The following LENG8 variants were observed in gnomAD, a reference collection of about 807,000 sequenced individuals.
LENG8 encodes leukocyte receptor cluster (LRC) member 8.
LENG8 carries 28 observed loss-of-function variants against 102.1 expected under a neutral mutation model. That is an observed-to-expected ratio of 0.27 (90% CI 0.20 to 0.38). The LOEUF is 0.38. Ranked by LOEUF, LENG8 falls within the 10% of genes least tolerant of loss-of-function variation. The pLI is 1.00. For synonymous variants in LENG8, 531 were observed against 456.7 expected, an observed-to-expected ratio of 1.16 and a Z score of -2.07; for missense variants, 1,022 against 1,113.9, an observed-to-expected ratio of 0.92 and a Z score of 1.17.
At chr19:54,455,678 T>C (rs1255653911) in intron 8 of LENG8, 111 bp downstream of exon 8, 21 of 1,092,010 alleles carry the variant, frequency 1.9e-5, no homozygotes, top group Non-Finnish European at 2.5e-5. Flanking sequence ...CAAAGAGAAA[T>C]GAACTGGAAA....
At position 54,461,837 on chromosome 19, in the gene LENG8, A is replaced by G; in HGVS notation, c.*909A>G. The G allele has an allele frequency of 1.7e-6, 1 of 592,280 alleles. No homozygotes were observed. The highest frequency in any genetic ancestry group is 3.8e-5 in the East Asian group (1 of 26,224). The allele number at this position is 592,280 out of a possible 1,614,324, so 36.7% of individuals were successfully genotyped here. A position where few individuals can be genotyped will look rare whatever the true frequency, so the allele number is the denominator to read the frequency against. On this transcript the variant is annotated 3_prime_UTR_variant, in exon 16 of 16. Coordinates refer to ENST00000326764, the MANE Select transcript of LENG8 (RefSeq NM_052925.4). ...CCTCCCTCTTCTGCCATGTAACTGG[A>G]GGATGTGCTATGAGTTTGCAAACAG...
intron 4 of LENG8, 150 bp downstream of exon 4, chr19:54,452,902 G>A (rs1883641863): frequency 1.6e-6 from 1 of 640,734 alleles, no homozygotes; most frequent in Non-Finnish European, 2.8e-6. Flanking sequence ...ACTTGCCCAG[G>A]AGGTAAATTC....
chr19:54,453,497 C>A, intron 4 of LENG8, 49 bp from the exon 5 acceptor site: 1 of 1,285,724 alleles, frequency 7.8e-7, no homozygotes, highest in Admixed American at 1.7e-5. Context: ...GCTGGGGAAG[C>A]GGAAAGGGTA....
intron 3 of LENG8, 128 bp from the exon 4 acceptor site, chr19:54,452,523 C>G: frequency 1.2e-6 from 1 of 800,120 alleles, no homozygotes; most frequent in South Asian, 1.5e-5. Context: ...GACAGTGGCT[C>G]ACTTTGCAGA....
At chr19:54,451,972 T>G (rs1894606173) in intron 2 of LENG8, 121 bp from the exon 3 acceptor site, 1 of 876,500 alleles carries the variant, frequency 1.1e-6, no homozygotes, top group Non-Finnish European at 1.8e-6. Context: ...TTAGAAAACT[T>G]AGGCTTAGAC....
intron 15 of LENG8, chr19:54,459,775 A>G: frequency 9.1e-7 from 1 of 1,095,408 alleles, no homozygotes; most frequent in Non-Finnish European, 1.1e-6. Context: ...TAGGAGTCAC[A>G]GGAGCAGACG....
rs1301304352 is a variant in LENG8, at chr19:54,456,640, G to A, written c.1450G>A (p.Asp484Asn). The A allele has an allele frequency of 5.0e-6, 8 of 1,608,796 alleles. No homozygotes were observed. Among genetic ancestry groups the A allele is most frequent in the Admixed American group, 1.7e-5 (1 of 59,532 alleles). The stretch of plus-strand genomic sequence containing the variant: ...CTGCCCCTCATCCCTTCCTAGGCAC[G>A]ATCTGGCGCCCACCAAGCGCAGTCG... The part of the protein sequence containing the change: ...RGRAQRGKRH[D>N]LAPTKRSRKK... Residue 484 changes from aspartate to asparagine, a missense_variant, in exon 11 of 16, where the codon GAT becomes AAT. Physicochemically the swap from Asp to Asn is conservative, Grantham distance 23 (BLOSUM62 1). Around this residue, in one of 7 missense-constraint regions of LENG8, gnomAD observed 326 missense variants for 324.5 expected, o/e 1.00. Coordinates refer to ENST00000326764, the MANE Select transcript of LENG8 (RefSeq NM_052925.4).
In LENG8 at chr19:54,458,493, A is replaced by G; in HGVS notation, c.2212A>G (p.Lys738Glu). The change falls in exon 15 of 16, where the codon AAG becomes GAG. Residue 738 changes from lysine (K) to glutamate (E), a missense_variant. Transcript: ENST00000326764. Reference sequence around the variant, plus strand: ...GGACAAGTTTGCAGATCGGGAGCGCAAGGTCGCCCTCAAGGCCATGATCAA... The same window carrying G: ...GGACAAGTTTGCAGATCGGGAGCGCGAGGTCGCCCTCAAGGCCATGATCAA... ...LVDKFADRER[K>E]VALKAMIKTF... 2 of 1,614,226 alleles carry G rather than the reference A, an allele frequency of 1.2e-6. No individual in the cohort carries two copies. Among genetic ancestry groups the G allele is most frequent in the Non-Finnish European group, 1.7e-6 (2 of 1,180,036 alleles).
At chr19:54,460,700 G>T in intron 15 of LENG8, 66 bp from the exon 16 acceptor site, 1 of 1,442,518 alleles carries the variant, frequency 6.9e-7, no homozygotes, top group Non-Finnish European at 9.1e-7. Flanking sequence ...GGGCCTCCCC[G>T]CTCGTGGGGC....
rs1162969256 is a variant in LENG8 at position 54,460,318 on chromosome 19, G to A, written c.2241-448G>A. 8 of 1,233,892 alleles carry A rather than the reference G, an allele frequency of 6.5e-6. No homozygotes were observed. The Admixed American group carries it at 1.9e-4, about 29-fold the overall frequency. 76.4% of individuals were successfully genotyped at this position (1,233,892 alleles called of 1,614,324 possible). A position where few individuals can be genotyped will look rare whatever the true frequency, so the allele number is the denominator to read the frequency against. On this transcript the variant is annotated intron_variant, in intron 15 of 15. Coordinates refer to ENST00000326764, the MANE Select transcript of LENG8 (RefSeq NM_052925.4). ...AGCCGGAAGTGACTGCTTTCAGTGT[G>A]TAGTGGTGAGTGCTAGCTGGCACCC...
Position 54,452,278 on chromosome 19 carries a change from C to T in LENG8, c.213+11C>T, listed in dbSNP as rs761537603. On this transcript the variant is annotated intron_variant, in intron 3 of 15. Coordinates refer to ENST00000326764, the MANE Select transcript of LENG8 (RefSeq NM_052925.4). Reference sequence around the variant, plus strand: ...GTGGCCAGTGCACAGGTGAGAAGGCCTCATGGGGCTGGGGTACCCTGAGCC... The same window carrying T: ...GTGGCCAGTGCACAGGTGAGAAGGCTTCATGGGGCTGGGGTACCCTGAGCC... 6.3e-6 allele frequency: 10 copies of T among 1,596,558 alleles called. No individual in the cohort carries two copies. The East Asian group carries it at 2.0e-4, about 32-fold the overall frequency.
rs1296063054 is a variant in LENG8, at chr19:54,456,362, A to ATCC, written c.1342_1343insTCC (p.Asn448delinsIleHis). The ATCC allele has an allele frequency of 6.2e-7, 1 of 1,613,396 alleles. No individual in the cohort carries two copies. The highest frequency in any genetic ancestry group is 1.7e-5 in the Admixed American group (1 of 60,008). Reference sequence around the variant, plus strand: ...AGACTCCGACAGCTCCTACTCAGGGAATGAGTGTCACCCTGTGGGCCGCAG... The same window carrying ATCC: ...AGACTCCGACAGCTCCTACTCAGGGATCCATGAGTGTCACCCTGTGGGCCGCAG... On this transcript the variant is annotated protein_altering_variant, in exon 10 of 16. Transcript: ENST00000326764.
In LENG8 at chr19:54,451,954, A is replaced by G. The variant is rs2083981482; in HGVS notation, c.39-139A>G. The G allele has an allele frequency of 8.4e-6, 6 of 712,418 alleles. 1 individual carries two copies. Among genetic ancestry groups the G allele is most frequent in the South Asian group, 3.8e-5 (2 of 53,118 alleles). The allele number at this position is 712,418 out of a possible 1,614,324, so 44.1% of individuals were successfully genotyped here. A position where few individuals can be genotyped will look rare whatever the true frequency, so the allele number is the denominator to read the frequency against. ...TGAAGCAGAAACCCTTTATCAGCAT[A>G]GTACAGATTAGAAAACTTAGGCTTA... On this transcript the variant is annotated intron_variant, in intron 2 of 15. Transcript: ENST00000326764.
rs1488418496 is a variant in LENG8 at position 54,456,734 on chromosome 19, G to A, written c.1544G>A (p.Arg515His). 1.2e-6 allele frequency: 2 copies of A among 1,612,392 alleles called. No individual in the cohort carries two copies. The highest frequency in any genetic ancestry group is 1.7e-5 in the Admixed American group (1 of 59,922). Reference sequence around the variant, plus strand: ...CTGAAGAAGCAGAAGCGGGCAGCCCGCTTCCAGCACGGACACTCCCGCCGC... The same window carrying A: ...CTGAAGAAGCAGAAGCGGGCAGCCCACTTCCAGCACGGACACTCCCGCCGC... ...RELKKQKRAARFQHGHSRRLR... is the reference protein window; with the variant it reads ...RELKKQKRAAHFQHGHSRRLR... The change falls in exon 11 of 16, where the codon CGC becomes CAC. Residue 515 changes from arginine to histidine, a missense_variant. Physicochemically the swap from Arg to His is conservative, Grantham distance 29. Coordinates refer to ENST00000326764, the MANE Select transcript of LENG8 (RefSeq NM_052925.4).
intron 15 of LENG8, 44 bp from the exon 16 acceptor site, chr19:54,460,722 C>CCA: frequency 8.6e-7 from 1 of 1,164,604 alleles, no homozygotes; most frequent in Admixed American, 3.5e-5. Context: ...CTCCCCTGCC[C>CCA]TCCCGCCCGC....
In LENG8 at chr19:54,454,630, C is replaced by T. The variant is rs530190742; in HGVS notation, c.627C>T (p.Tyr209=). The change falls in exon 6 of 16, where the codon TAC becomes TAT. Residue 209 remains tyrosine, a synonymous_variant. Transcript: ENST00000326764. The stretch of plus-strand genomic sequence containing the variant: ...GCCAGGCCTATGGGCCACACACCTA[C>T]ACCGAACCTGCCAAGCCCAAGAAGG... ...ATGQAYGPHT[Y]TEPAKPKKGQ... The T allele has an allele frequency of 2.4e-5, 38 of 1,608,670 alleles. No individual in the cohort carries two copies. In the South Asian group the frequency reaches 3.9e-4, roughly 16 times the overall value.
In LENG8 at chr19:54,461,179, T is replaced by C. The variant is rs899681947; in HGVS notation, c.*251T>C. The C allele has an allele frequency of 1.0e-4, 70 of 687,496 alleles. No individual in the cohort carries two copies. The highest frequency in any genetic ancestry group is 1.6e-4 in the Non-Finnish European group (59 of 376,850). The allele number at this position is 687,496 out of a possible 1,614,324, so 42.6% of individuals were successfully genotyped here. A position where few individuals can be genotyped will look rare whatever the true frequency, so the allele number is the denominator to read the frequency against. ...GCAGCGGAGGGTTGGGGGCATGGTC[T>C]GCAGGCTCATCTGTGTCCGCCTTTC... On this transcript the variant is annotated 3_prime_UTR_variant, in exon 16 of 16. Transcript: ENST00000326764.
Position 54,461,828 on chromosome 19 carries a change from TG to T in LENG8, c.*901del. 2.1e-6 allele frequency: 1 copy of T among 469,288 alleles called. No individual in the cohort carries two copies. The highest frequency in any genetic ancestry group is 1.6e-5 in the South Asian group (1 of 63,814). 29.1% of individuals were successfully genotyped at this position (469,288 alleles called of 1,614,324 possible). A position where few individuals can be genotyped will look rare whatever the true frequency, so the allele number is the denominator to read the frequency against. ...CCCTCCCTCCCTCCCTCTTCTGCCA[TG>T]TAACTGGAGGATGTGCTATGAGTTT... On this transcript the variant is annotated 3_prime_UTR_variant, in exon 16 of 16. Transcript: ENST00000326764.
chr19:54,459,660 C>T, intron 15 of LENG8: 1 of 1,010,020 alleles, frequency 9.9e-7, no homozygotes, highest in Non-Finnish European at 1.2e-6. Context: ...GTCATGGTCA[C>T]AGCATAGTTT....
Sources: allele counts gnomAD v4.1 joint callset, GRCh38; gene constraint gnomAD v4.1.1; regional missense constraint gnomAD v4.1.1; transcripts MANE v1.5; gene names NCBI Gene and HGNC (gene_info 2026-07-23, HGNC 2026-07-21).